SDC3: variants seen among roughly 807,000 people sequenced by gnomAD.
SDC3 encodes syndecan 3.
SDC3 carries 13 observed loss-of-function variants against 24.4 expected under a neutral mutation model. The ratio of observed to expected loss-of-function variants is 0.53; its 90% CI spans 0.35 to 0.85. The LOEUF (loss-of-function observed/expected upper bound fraction) is 0.85, where lower values mean the gene tolerates loss of function less well. Ranked by LOEUF, SDC3 falls within the 40% of genes least tolerant of loss-of-function variation. The pLI is 0.01. For synonymous variants in SDC3, 295 were observed against 260.9 expected, an observed-to-expected ratio of 1.13 and a Z score of -1.26; for missense variants, 571 against 584.5, an observed-to-expected ratio of 0.98 and a Z score of 0.24.
rs192560339 is a variant in SDC3 at position 30,883,776 on chromosome 1, G to A, written c.139-5036C>T. Reference sequence around the variant, plus strand: ...CTTGCTTATCACGAAAGGAGGGGGCGGGGTTAGTCTGCCACGAAGCATTCA... The same window carrying A: ...CTTGCTTATCACGAAAGGAGGGGGCAGGGTTAGTCTGCCACGAAGCATTCA... On this transcript the variant is annotated intron_variant, in intron 1 of 4. Transcript: ENST00000339394. Among the ~76,000 whole-genome samples the A allele has an allele frequency of 4.6e-3, 704 of 152,126 alleles. 3 individuals carry two copies. The highest frequency in any genetic ancestry group is 0.021 in the East Asian group (109 of 5,178).
rs898808921 is a variant in SDC3 at position 30,876,990 on chromosome 1, C to A, written c.432G>T (p.Val144=). 6 of 1,613,732 alleles carry A rather than the reference C, an allele frequency of 3.7e-6. No homozygotes were observed. Among genetic ancestry groups the A allele is most frequent in the Non-Finnish European group, 5.1e-6 (6 of 1,179,936 alleles). Residue 144 remains valine (V), a synonymous_variant, in exon 3 of 5, where the codon GTG becomes GTT. Transcript: ENST00000339394. ...TGGGCTCTTCCGGGACTTCTGTCAC[C>A]ACCAGGGGGCTGGTGGCTGGCTCCA... ...PTLEPATSPL[V]VTEVPEEPSQ...
chr1:30,903,950 G>T (rs995243317), intron 1 of SDC3, among the ~76,000 whole-genome samples: 1 of 152,114 alleles, frequency 6.6e-6, no homozygotes, highest in African/African-American at 2.4e-5. Flanking sequence ...CTGGCTGGGG[G>T]TTGTGGCTCA....
At chr1:30,887,637 G>A (rs532712571) in intron 1 of SDC3, among the ~76,000 whole-genome samples, 135 of 152,162 alleles carry the variant, frequency 8.9e-4, no homozygotes, top group Non-Finnish European at 1.5e-3. Flanking sequence ...TTTATTTCCG[G>A]GCTTCAGAGG....
intron 2 of SDC3, 167 bp downstream of exon 2, chr1:30,878,456 G>A (rs541181845): frequency 3.3e-6 from 2 of 603,600 alleles, no homozygotes; most frequent in African/African-American, 1.8e-5. Context: ...CCAGAAGGAT[G>A]TTCTGCCCTT....
chr1:30,898,292 T>C (rs1469076067), intron 1 of SDC3, among the ~76,000 whole-genome samples: 1 of 152,152 alleles, frequency 6.6e-6, no homozygotes, highest in Non-Finnish European at 1.5e-5. Context: ...CCTATCAATG[T>C]GCTGCCATCT....
upstream of SDC3, chr1:30,908,899 C>A: frequency 6.6e-6 from 1 of 150,832 alleles, no homozygotes; most frequent in South Asian, 2.0e-4. Context: ...GACCCCAGTC[C>A]CAGCCCCCGC....
intron 1 of SDC3, among the ~76,000 whole-genome samples, chr1:30,893,977 A>T (rs1639946513): frequency 6.6e-6 from 1 of 152,034 alleles, no homozygotes; most frequent in Non-Finnish European, 1.5e-5. Flanking sequence ...GGCCCTCCAC[A>T]CACACACCAC....
upstream of SDC3, among the ~76,000 whole-genome samples, chr1:30,909,730 A>G (rs1325865148): frequency 2.0e-5 from 3 of 152,244 alleles, no homozygotes; most frequent in Middle Eastern, 3.4e-3. Context: ...TCGATGCTCA[A>G]TCCAAATTTG....
At chr1:30,902,465 G>A (rs191589727) in intron 1 of SDC3, among the ~76,000 whole-genome samples, 1 of 152,302 alleles carries the variant, frequency 6.6e-6, no homozygotes, top group East Asian at 1.9e-4. Context: ...TGTGGGGGGT[G>A]CCATCAACAA....
At chr1:30,885,864 G>C (rs568366537) in intron 1 of SDC3, among the ~76,000 whole-genome samples, 1 of 152,286 alleles carries the variant, frequency 6.6e-6, no homozygotes, top group Non-Finnish European at 1.5e-5. Context: ...AGCCCACTCT[G>C]TCCCCTGTGC....
intron 1 of SDC3, among the ~76,000 whole-genome samples, chr1:30,884,561 C>T (rs372602614): frequency 5.9e-5 from 9 of 152,198 alleles, no homozygotes; most frequent in African/African-American, 2.2e-4. Flanking sequence ...CCCCAGGATG[C>T]CCTTTTTCCC....
chr1:30,872,957 G>T lies in SDC3; in HGVS notation c.*254C>A. The T allele has an allele frequency of 4.0e-6, 2 of 500,186 alleles. No homozygotes were observed. The highest frequency in any genetic ancestry group is 7.1e-6 in the Non-Finnish European group (2 of 282,790). The allele number at this position is 500,186 out of a possible 1,614,324, so 31.0% of individuals were successfully genotyped here. On this transcript the variant is annotated 3_prime_UTR_variant, in exon 5 of 5. Coordinates refer to ENST00000339394, the MANE Select transcript of SDC3 (RefSeq NM_014654.4). ...CATCCATCTGACATGAGGTCCTGAA[G>T]CCCCAGACTGGTGGCAGGGATGAGG...
intron 1 of SDC3, among the ~76,000 whole-genome samples, chr1:30,904,794 C>T (rs1394261843): frequency 6.6e-6 from 1 of 152,210 alleles, no homozygotes; most frequent in Non-Finnish European, 1.5e-5. Context: ...CTCCAGGAAG[C>T]CTTCCCTGAC....
chr1:30,894,340 G>C lies in SDC3; in HGVS notation c.138+14109C>G, dbSNP rs9700807. ...ATGAGTGTGTGGATGAGTGTGTGTG[G>C]GGTGTGTGGATGAGTGTGTGTGAGT... On this transcript the variant is annotated intron_variant, in intron 1 of 4. Coordinates refer to ENST00000339394, the MANE Select transcript of SDC3 (RefSeq NM_014654.4). 1.4e-4 allele frequency among the ~76,000 whole-genome samples: 18 copies of C among 131,352 alleles called. No individual in the cohort carries two copies. The South Asian group carries it at 3.6e-3, about 27-fold the overall frequency. The allele number at this position is 131,352 out of a possible 152,430, so 86.2% of individuals were successfully genotyped here. A position where few individuals can be genotyped will look rare whatever the true frequency, so the allele number is the denominator to read the frequency against.
chr1:30,900,834 G>C (rs887463147), intron 1 of SDC3, among the ~76,000 whole-genome samples: 1 of 152,054 alleles, frequency 6.6e-6, no homozygotes, highest in Non-Finnish European at 1.5e-5. Flanking sequence ...TGGATGGGGG[G>C]GTCCTAGCTG....
chr1:30,874,163 T>A, intron 4 of SDC3, 134 bp downstream of exon 4: 3 of 700,838 alleles, frequency 4.3e-6, no homozygotes, highest in Non-Finnish European at 2.3e-6. Context: ...GTTCTCAAGT[T>A]TCCTTCCTAT....
At chr1:30,889,073 G>A (rs1353646596) in intron 1 of SDC3, among the ~76,000 whole-genome samples, 1 of 152,176 alleles carries the variant, frequency 6.6e-6, no homozygotes, top group Non-Finnish European at 1.5e-5. Context: ...GACACAGCAG[G>A]GACTCTGATG....
chr1:30,908,851 G>C (rs1483338377), upstream of SDC3: 1 of 450 alleles, frequency 2.2e-3, no homozygotes, highest in East Asian at 0.25. Flanking sequence ...GGGGCGGGGC[G>C]GGCCCCAGTG....
At chr1:30,888,394 G>A (rs568410722) in intron 1 of SDC3, among the ~76,000 whole-genome samples, 3 of 152,138 alleles carry the variant, frequency 2.0e-5, no homozygotes, top group Non-Finnish European at 2.9e-5. Flanking sequence ...CAGGGACCTC[G>A]CCAGCCCTAG....
Sources: allele counts gnomAD v4.1 joint callset (sites outside exome capture counted in the v4.1 genomes callset), GRCh38; gene constraint gnomAD v4.1.1; transcripts MANE v1.5; gene names NCBI Gene and HGNC (gene_info 2026-07-23, HGNC 2026-07-21).